The following KIAA0319L variants were observed in gnomAD, a reference collection of about 807,000 sequenced individuals.
The protein encoded by KIAA0319L is dyslexia-associated protein KIAA0319-like protein.
In KIAA0319L, 55 loss-of-function variants were observed where a neutral mutation model predicts 120.1. That is an observed-to-expected ratio of 0.46 (90% CI 0.37 to 0.57). The LOEUF is 0.57. Ranked by LOEUF, KIAA0319L falls within the 20% of genes least tolerant of loss-of-function variation. The pLI is 0.00. For missense variants in KIAA0319L, 1,049 were observed against 1,255.3 expected, an observed-to-expected ratio of 0.84 and a Z score of 2.48; for synonymous variants, 398 against 471.9, an observed-to-expected ratio of 0.84 and a Z score of 2.03.
rs115644078 is a variant in KIAA0319L at position 35,475,597 on chromosome 1, T to A, written c.914-691A>T. Reference sequence around the variant, plus strand: ...CTCAAGCGATCTTCCCACCTCAACCTCCCAAGTAGCTGGGACTACAGGCAT... The same window carrying A: ...CTCAAGCGATCTTCCCACCTCAACCACCCAAGTAGCTGGGACTACAGGCAT... On this transcript the variant is annotated intron_variant, in intron 4 of 20. Coordinates refer to ENST00000325722, the MANE Select transcript of KIAA0319L (RefSeq NM_024874.5). Among the ~76,000 whole-genome samples the A allele has an allele frequency of 3.6e-3, 545 of 152,210 alleles. 3 individuals carry two copies. Among genetic ancestry groups the A allele is most frequent in the Non-Finnish European group, 4.7e-3 (320 of 68,008 alleles).
chr1:35,510,119 T>G (rs552266542), intron 2 of KIAA0319L: 2 of 152,196 alleles, frequency 1.3e-5, no homozygotes, highest in Non-Finnish European at 2.9e-5. Flanking sequence ...CGAATACAAC[T>G]CTTCCTCTTT....
chr1:35,516,160 A>G (rs1645670920), intron 2 of KIAA0319L, among the ~76,000 whole-genome samples: 1 of 152,226 alleles, frequency 6.6e-6, no homozygotes, highest in South Asian at 2.1e-4. Context: ...AAACTATTCC[A>G]AAAAATTGAA....
chr1:35,465,586 T>C (rs981344721), intron 7 of KIAA0319L, among the ~76,000 whole-genome samples: 1 of 152,216 alleles, frequency 6.6e-6, no homozygotes, highest in African/African-American at 2.4e-5. Context: ...CAGTTAATGC[T>C]GAAACGAGTT....
intron 2 of KIAA0319L, chr1:35,511,512 T>G (rs1011673749): frequency 3.3e-5 from 5 of 152,116 alleles, no homozygotes; most frequent in African/African-American, 9.7e-5. Context: ...GGAGGACCAC[T>G]TGAGCCCATG....
Position 35,449,542 on chromosome 1 carries a change from C to T in KIAA0319L, c.2353+325G>A, listed in dbSNP as rs536420609. 3.3e-5 allele frequency among the ~76,000 whole-genome samples: 5 copies of T among 152,298 alleles called. No homozygotes were observed. The South Asian group carries it at 8.3e-4, about 25-fold the overall frequency. On this transcript the variant is annotated intron_variant, in intron 15 of 20. Coordinates refer to ENST00000325722, the MANE Select transcript of KIAA0319L (RefSeq NM_024874.5). Reference sequence around the variant, plus strand: ...GCACTCTGAGCCCTCTCTCATCAGTCACGAGGAGAGGAGAAAGTGCTGGAC... The same window carrying T: ...GCACTCTGAGCCCTCTCTCATCAGTTACGAGGAGAGGAGAAAGTGCTGGAC...
At position 35,451,510 on chromosome 1, in the gene KIAA0319L, A is replaced by G; in HGVS notation, c.2062+118T>C. On this transcript the variant is annotated intron_variant, in intron 13 of 20. Coordinates refer to ENST00000325722, the MANE Select transcript of KIAA0319L (RefSeq NM_024874.5). ...GAAAATAACAATTGCCCTCACCCCA[A>G]CCCTCTTACCCACCTCTTGCTATCT... is the stretch of plus-strand genomic sequence containing the variant. 4 of 972,986 alleles carry G rather than the reference A, an allele frequency of 4.1e-6. No homozygotes were observed. In the Admixed American group the frequency reaches 8.7e-5, roughly 21 times the overall value. 60.3% of individuals were successfully genotyped at this position (972,986 alleles called of 1,614,324 possible).
At chr1:35,510,346 C>T (rs1016520115) in intron 2 of KIAA0319L, 1 of 150,364 alleles carries the variant, frequency 6.7e-6, no homozygotes, top group Non-Finnish European at 1.5e-5. Context: ...TACCAATAAA[C>T]GTGAAAAAGC....
chr1:35,460,446 T>C lies in KIAA0319L; in HGVS notation c.1295-9A>G. ...ATCATCATCAGTGCTTTCTTGACCA[T>C]AAAGAAACATCAGTTACAACATGAG... is the stretch of plus-strand genomic sequence containing the variant. On this transcript the variant is annotated splice_polypyrimidine_tract_variant and intron_variant, in intron 8 of 20. Transcript: ENST00000325722. 4 of 1,611,050 alleles carry C rather than the reference T, an allele frequency of 2.5e-6. No individual in the cohort carries two copies. Among genetic ancestry groups the C allele is most frequent in the South Asian group, 2.2e-5 (2 of 90,406 alleles).
At position 35,451,652 on chromosome 1, in the gene KIAA0319L, A is replaced by G. The variant is rs41267249; in HGVS notation, c.2038T>C (p.Ser680Pro). The change falls in exon 13 of 21, where the codon TCT becomes CCT. Residue 680 changes from serine to proline, a missense_variant. Ser to Pro is a moderately conservative substitution (Grantham distance 74). Transcript: ENST00000325722. ...KDERNLQSQS[S>P]VNVIVKEEIN... Reference sequence around the variant, plus strand: ...CCTTCTTTGACAATGACATTCACAGAGCTCTGGCTTTGCAGGTTCCTCTCA... The same window carrying G: ...CCTTCTTTGACAATGACATTCACAGGGCTCTGGCTTTGCAGGTTCCTCTCA... 8.1e-6 allele frequency: 13 copies of G among 1,614,000 alleles called. No individual in the cohort carries two copies. Among genetic ancestry groups the G allele is most frequent in the Admixed American group, 3.3e-5 (2 of 60,000 alleles).
At chr1:35,538,669 G>C (rs1224405332) in intron 2 of KIAA0319L, among the ~76,000 whole-genome samples, 1 of 147,886 alleles carries the variant, frequency 6.8e-6, no homozygotes, top group Non-Finnish European at 1.5e-5. Flanking sequence ...CACATATAAA[G>C]AGCCAGAGAC....
intron 2 of KIAA0319L, among the ~76,000 whole-genome samples, chr1:35,552,042 T>TAA (rs766788729): frequency 3.7e-5 from 5 of 135,374 alleles, no homozygotes; most frequent in African/African-American, 8.1e-5. Flanking sequence ...TGGTACTGGG[T>TAA]AAAAAAAAAA....
Position 35,449,903 on chromosome 1 carries a change from T to C in KIAA0319L, c.2317A>G (p.Ser773Gly). 1 of 1,614,082 alleles carries C rather than the reference T, an allele frequency of 6.2e-7. No individual in the cohort carries two copies. Among genetic ancestry groups the C allele is most frequent in the South Asian group, 1.1e-5 (1 of 91,078 alleles). ...TCCACAGTGGTCCGGTCTGTGTCAC[T>C]CTCACCCTTTGCATCGGTCACTTTC... ...HLKVTDAKGE[S>G]DTDRTTVEVK... The change falls in exon 15 of 21, where the codon AGT becomes GGT. Residue 773 changes from serine to glycine, a missense_variant. Physicochemically the swap from Ser to Gly is moderately conservative, Grantham distance 56. Transcript: ENST00000325722.
chr1:35,441,829 GA>G (rs1049409022), intron 19 of KIAA0319L, among the ~76,000 whole-genome samples: 2 of 152,092 alleles, frequency 1.3e-5, no homozygotes, highest in African/African-American at 4.8e-5. Context: ...TGCATGTGTG[GA>G]AACATGCACA....
At position 35,492,902 on chromosome 1, in the gene KIAA0319L, T is replaced by C. The variant is rs866471298; in HGVS notation, c.667-13690A>G. 3.2e-4 allele frequency among the ~76,000 whole-genome samples: 49 copies of C among 152,306 alleles called. No homozygotes were observed. The Middle Eastern group carries it at 0.01, about 32-fold the overall frequency. On this transcript the variant is annotated intron_variant, in intron 3 of 20. Coordinates refer to ENST00000325722, the MANE Select transcript of KIAA0319L (RefSeq NM_024874.5). ...GGCCTGGCATGGCGGCTCACATCTG[T>C]AATCCCAGCACACTGGGAGGCTAAG...
At chr1:35,441,998 G>A (rs1481943666) in intron 19 of KIAA0319L, among the ~76,000 whole-genome samples, 1 of 152,010 alleles carries the variant, frequency 6.6e-6, no homozygotes, top group East Asian at 1.9e-4. Context: ...CCCTGCTCCC[G>A]CCCAGCCATG....
intron 3 of KIAA0319L, among the ~76,000 whole-genome samples, chr1:35,505,256 T>A (rs1645165138): frequency 6.6e-6 from 1 of 152,182 alleles, no homozygotes; most frequent in South Asian, 2.1e-4. Context: ...ATTCCCAGTA[T>A]CCAGCTTAGT....
At chr1:35,447,851 T>C (rs1230459681) in intron 16 of KIAA0319L, among the ~76,000 whole-genome samples, 3 of 152,198 alleles carry the variant, frequency 2.0e-5, no homozygotes, top group Admixed American at 6.5e-5. Context: ...GAAGAATTCA[T>C]TGTCCTTGCC....
intron 2 of KIAA0319L, among the ~76,000 whole-genome samples, chr1:35,530,989 T>C (rs1453614097): frequency 2.0e-5 from 3 of 152,090 alleles, no homozygotes; most frequent in African/African-American, 7.2e-5. Context: ...TGCGTGAAAG[T>C]GTGCAGCAGC....
In KIAA0319L at chr1:35,554,400, A is replaced by G. The variant is rs1558692024; in HGVS notation, c.92T>C (p.Leu31Pro). Residue 31 changes from leucine (L) to proline (P), a missense_variant, in exon 2 of 21, where the codon CTG becomes CCG. Coordinates refer to ENST00000325722, the MANE Select transcript of KIAA0319L (RefSeq NM_024874.5). ...GCAAAAGCAAGTATAAAACAGGTACAGGCTTCTCAACCACTTCGCAGATGT... is the reference window on the plus strand; with the variant it reads ...GCAAAAGCAAGTATAAAACAGGTACGGGCTTCTCAACCACTTCGCAGATGT... ...WQTSAKWLRS[L>P]YLFYTCFCFS... 1 of 1,613,262 alleles carries G rather than the reference A, an allele frequency of 6.2e-7. No individual in the cohort carries two copies. The highest frequency in any genetic ancestry group is 1.1e-5 in the South Asian group (1 of 90,822).
Sources: gnomAD v4.1 joint callset for allele counts (sites outside exome capture counted in the v4.1 genomes callset) on GRCh38, gnomAD v4.1.1 for gene constraint, MANE v1.5 for transcripts, NCBI Gene and HGNC (gene_info 2026-07-23, HGNC 2026-07-21) for gene names.